GRAMD1B: variants seen among roughly 807,000 people sequenced by gnomAD.
GRAMD1B encodes the protein GRAM domain containing 1B.
GRAMD1B carries 37 observed loss-of-function variants against 99.7 expected under a neutral mutation model. The ratio of observed to expected loss-of-function variants is 0.37; its 90% CI spans 0.29 to 0.49. The LOEUF (loss-of-function observed/expected upper bound fraction) is 0.49, where lower values mean the gene tolerates loss of function less well. Among genes scored for constraint, GRAMD1B ranks in the 20% least tolerant of loss-of-function variants. The probability of loss-of-function intolerance (pLI) is 0.98; values close to 1 mark genes in which losing one functional copy is unlikely to be tolerated. For synonymous variants in GRAMD1B, 427 were observed against 387.6 expected, an observed-to-expected ratio of 1.10 and a Z score of -1.19; for missense variants, 888 against 1,009.2, an observed-to-expected ratio of 0.88 and a Z score of 1.63.
Position 123,410,273 on chromosome 11 carries a change from CA to C in GRAMD1B, c.-176+51484del, listed in dbSNP as rs879760200. Reference sequence around the variant, plus strand: ...ACAAACAAACAAAAAAACCAGATGCCAAAAAAAAAAGTGTGTGTGTTGGGGA... The same window carrying C: ...ACAAACAAACAAAAAAACCAGATGCCAAAAAAAAAGTGTGTGTGTTGGGGA... On this transcript the variant is annotated intron_variant, in intron 1 of 20. Transcript: ENST00000638157. Among the ~76,000 whole-genome samples the C allele has an allele frequency of 3.0e-3, 432 of 143,716 alleles. 3 individuals are homozygous for C. Among genetic ancestry groups the C allele is most frequent in the African/African-American group, 7.4e-3 (288 of 39,098 alleles). The allele number at this position is 143,716 out of a possible 152,430, so 94.3% of individuals were successfully genotyped here.
intron 1 of GRAMD1B, among the ~76,000 whole-genome samples, chr11:123,406,514 A>G (rs1297197530): frequency 6.6e-6 from 1 of 152,082 alleles, no homozygotes; most frequent in East Asian, 1.9e-4. Context: ...GGCCTCCCAC[A>G]GTGCTGGGAT....
At chr11:123,484,469 C>T (rs544939170) in intron 2 of GRAMD1B, among the ~76,000 whole-genome samples, 5 of 152,316 alleles carry the variant, frequency 3.3e-5, no homozygotes, top group African/African-American at 1.2e-4. Context: ...CAAAGGTTCT[C>T]CCATCTAAAC....
chr11:123,430,047 T>C (rs1948793189), upstream of GRAMD1B, among the ~76,000 whole-genome samples: 1 of 151,592 alleles, frequency 6.6e-6, no homozygotes, highest in African/African-American at 2.4e-5. Flanking sequence ...GCCTGGCCAA[T>C]CGTTGCCCTG....
chr11:123,457,481 T>A (rs780839403), intron 1 of GRAMD1B, among the ~76,000 whole-genome samples: 1 of 152,254 alleles, frequency 6.6e-6, no homozygotes, highest in Non-Finnish European at 1.5e-5. Context: ...ACAGGCTTAA[T>A]GGAAGATTTC....
In GRAMD1B at chr11:123,589,321, G is replaced by A. The variant is rs141375724; in HGVS notation, c.685-4761G>A. On this transcript the variant is annotated intron_variant, in intron 4 of 19. Coordinates refer to ENST00000635736, the MANE Select transcript of GRAMD1B (RefSeq NM_001387025.1). ...TGAATGGAGAGCTGCGTCTGCATCCGTGGGGTGTCCATCTAGAGAGGGTTG... is the reference window on the plus strand; with the variant it reads ...TGAATGGAGAGCTGCGTCTGCATCCATGGGGTGTCCATCTAGAGAGGGTTG... 5.9e-5 allele frequency among the ~76,000 whole-genome samples: 9 copies of A among 151,986 alleles called. No homozygotes were observed. The East Asian group carries it at 1.4e-3, about 23-fold the overall frequency.
chr11:123,604,786 T>C (rs1952474820), intron 9 of GRAMD1B, among the ~76,000 whole-genome samples: 1 of 152,192 alleles, frequency 6.6e-6, no homozygotes, highest in Admixed American at 6.5e-5. Context: ...TACAGCGGCA[T>C]CCCTGAAGTG....
chr11:123,517,973 A>G (rs1380311296), intron 2 of GRAMD1B, among the ~76,000 whole-genome samples: 6 of 152,130 alleles, frequency 3.9e-5, no homozygotes, highest in Non-Finnish European at 7.4e-5. Context: ...GTCACCCTGA[A>G]TTTCTCCTGA....
chr11:123,390,089 A>G (rs752660666), intron 1 of GRAMD1B, among the ~76,000 whole-genome samples: 3 of 134,050 alleles, frequency 2.2e-5, no homozygotes, highest in African/African-American at 7.6e-5. Context: ...ACTCTTCTAA[A>G]ATAAAAAAAA....
At chr11:123,560,558 C>T (rs566000125) in intron 2 of GRAMD1B, 3 of 906,286 alleles carry the variant, frequency 3.3e-6, no homozygotes, top group South Asian at 1.4e-5. Flanking sequence ...TCAGGGCCCC[C>T]GCTCCCCGCC....
At chr11:123,501,144 C>T (rs946164831) in intron 2 of GRAMD1B, among the ~76,000 whole-genome samples, 2 of 151,934 alleles carry the variant, frequency 1.3e-5, no homozygotes, top group African/African-American at 4.8e-5. Flanking sequence ...CTCCAGAGCT[C>T]AAGTTCTTTT....
At chr11:123,364,950 G>A (rs1946268662) in intron 1 of GRAMD1B, among the ~76,000 whole-genome samples, 1 of 152,110 alleles carries the variant, frequency 6.6e-6, no homozygotes, top group Admixed American at 6.5e-5. Context: ...CCTGTCATGA[G>A]AATGGCCGAT....
chr11:123,627,720 C>A lies in GRAMD1B; in HGVS notation c.*5125C>A, dbSNP rs1955573616. ...AAATCTTAATGTAAAGTAGCTAGAG[C>A]CATGGAAGTACAGTATGAATTAAAA... is the stretch of plus-strand genomic sequence containing the variant. On this transcript the variant is annotated 3_prime_UTR_variant, in exon 20 of 20. Coordinates refer to ENST00000635736, the MANE Select transcript of GRAMD1B (RefSeq NM_001387025.1). 6.6e-6 allele frequency: 1 copy of A among 152,210 alleles called. No individual in the cohort carries two copies. The highest frequency in any genetic ancestry group is 1.5e-5 in the Non-Finnish European group (1 of 68,050). 9.4% of individuals were successfully genotyped at this position (152,210 alleles called of 1,614,324 possible).
At chr11:123,611,708 A>C (rs1328335715) in intron 14 of GRAMD1B, among the ~76,000 whole-genome samples, 1 of 152,150 alleles carries the variant, frequency 6.6e-6, no homozygotes, top group Non-Finnish European at 1.5e-5. Context: ...AGACCATTAT[A>C]GGAAGGTGCC....
intron 2 of GRAMD1B, among the ~76,000 whole-genome samples, chr11:123,565,339 A>G (rs1947244759): frequency 6.6e-6 from 1 of 151,954 alleles, no homozygotes; most frequent in Non-Finnish European, 1.5e-5. Flanking sequence ...GCAACTGGCC[A>G]TAGAGGCAAT....
intron 2 of GRAMD1B, among the ~76,000 whole-genome samples, chr11:123,493,815 G>C (rs1221598764): frequency 6.6e-6 from 1 of 152,080 alleles, no homozygotes; most frequent in Non-Finnish European, 1.5e-5. Flanking sequence ...GTTAATAGTG[G>C]TGCTGTTGGT....
intron 1 of GRAMD1B, among the ~76,000 whole-genome samples, chr11:123,389,150 C>T (rs554802441): frequency 1.2e-4 from 19 of 152,070 alleles, no homozygotes; most frequent in African/African-American, 2.9e-4. Flanking sequence ...TTTGGGAGGC[C>T]GAGACAGGCA....
At chr11:123,523,057 C>T (rs1186339220) in intron 2 of GRAMD1B, among the ~76,000 whole-genome samples, 1 of 152,156 alleles carries the variant, frequency 6.6e-6, no homozygotes, top group Non-Finnish European at 1.5e-5. Flanking sequence ...TTAGGCTGGG[C>T]GCGGTGGCTC....
At chr11:123,407,176 G>A (rs1392699741) in intron 1 of GRAMD1B, among the ~76,000 whole-genome samples, 3 of 152,106 alleles carry the variant, frequency 2.0e-5, no homozygotes, top group Non-Finnish European at 4.4e-5. Context: ...GGCTTCTACA[G>A]GTCTATAACA....
chr11:123,603,184 T>A (rs912528347), intron 8 of GRAMD1B, among the ~76,000 whole-genome samples: 2 of 152,176 alleles, frequency 1.3e-5, no homozygotes, highest in South Asian at 4.1e-4. Context: ...TACAAACCTC[T>A]GTTGAGGGAT....
Sources: gnomAD v4.1 joint callset for allele counts (sites outside exome capture counted in the v4.1 genomes callset) on GRCh38, gnomAD v4.1.1 for gene constraint, MANE v1.5 for transcripts, NCBI Gene and HGNC (gene_info 2026-07-23, HGNC 2026-07-21) for gene names.